EPC2: variants seen among roughly 807,000 people sequenced by gnomAD.
The protein encoded by EPC2 is enhancer of polycomb 2.
A neutral mutation model predicts 92.1 loss-of-function variants in EPC2; 14 were observed. The ratio of observed to expected loss-of-function variants is 0.15; its 90% CI spans 0.10 to 0.24. The LOEUF (loss-of-function observed/expected upper bound fraction) is 0.24, where lower values mean the gene tolerates loss of function less well. Among genes scored for constraint, EPC2 ranks in the 10% least tolerant of loss-of-function variants. EPC2 has a pLI of 1.00. For missense variants in EPC2, 755 were observed against 971.5 expected, an observed-to-expected ratio of 0.78 and a Z score of 2.96; for synonymous variants, 340 against 334.7, an observed-to-expected ratio of 1.02 and a Z score of -0.17.
At chr2:148,717,238 A>G (rs576812930) in intron 2 of EPC2, among the ~76,000 whole-genome samples, 3 of 111,128 alleles carry the variant, frequency 2.7e-5, no homozygotes, top group Non-Finnish European at 5.2e-5. Flanking sequence ...GTCTCTGTCT[A>G]CTTCGATTCA....
intron 2 of EPC2, among the ~76,000 whole-genome samples, chr2:148,694,247 T>A (rs1681700612): frequency 1.3e-5 from 2 of 152,218 alleles, no homozygotes; most frequent in African/African-American, 4.8e-5. Context: ...ATTCACCAAC[T>A]GTTAATTTAG....
At chr2:148,657,884 TTGTGTG>T (rs35739873) in intron 1 of EPC2, among the ~76,000 whole-genome samples, 20 of 149,734 alleles carry the variant, frequency 1.3e-4, no homozygotes, top group South Asian at 1.3e-3. Context: ...ATCACTCATT[TTGTGTG>T]TGTGTGTGTG....
chr2:148,776,881 G>A (rs1270131017), intron 10 of EPC2, among the ~76,000 whole-genome samples: 1 of 77,258 alleles, frequency 1.3e-5, no homozygotes, highest in African/African-American at 4.4e-5. Flanking sequence ...TTTTTTTTGA[G>A]ACAGAGTCTT....
chr2:148,679,799 C>T (rs1046319509), intron 1 of EPC2, among the ~76,000 whole-genome samples: 2 of 152,282 alleles, frequency 1.3e-5, no homozygotes, highest in African/African-American at 4.8e-5. Context: ...ATGTGAGCCA[C>T]CACATCCAGC....
chr2:148,651,287 T>C (rs1475640782), intron 1 of EPC2, among the ~76,000 whole-genome samples: 1 of 152,222 alleles, frequency 6.6e-6, no homozygotes, highest in East Asian at 1.9e-4. Flanking sequence ...TTTCCTATTC[T>C]TCCTGCTAAT....
chr2:148,722,194 G>A (rs1395575159), intron 2 of EPC2, among the ~76,000 whole-genome samples: 1 of 152,056 alleles, frequency 6.6e-6, no homozygotes, highest in Non-Finnish European at 1.5e-5. Flanking sequence ...TTCATGATGA[G>A]GTCTGTCTTT....
At chr2:148,710,016 G>A (rs945721441) in intron 2 of EPC2, among the ~76,000 whole-genome samples, 3 of 151,846 alleles carry the variant, frequency 2.0e-5, no homozygotes, top group Admixed American at 2.0e-4. Flanking sequence ...TTAAACTAAA[G>A]AGCTTCTGCA....
intron 3 of EPC2, among the ~76,000 whole-genome samples, chr2:148,745,328 C>T (rs1401107497): frequency 6.6e-6 from 1 of 151,920 alleles, no homozygotes; most frequent in East Asian, 1.9e-4. Flanking sequence ...GAGATGATAC[C>T]ATCAGAAGCC....
At chr2:148,736,034 A>T (rs1253519313) in intron 2 of EPC2, among the ~76,000 whole-genome samples, 1 of 152,172 alleles carries the variant, frequency 6.6e-6, no homozygotes, top group African/African-American at 2.4e-5. Context: ...TTGTAGAAGT[A>T]TTCCAGCTAA....
Position 148,752,728 on chromosome 2 carries a change from G to C in EPC2, c.460-1199G>C, listed in dbSNP as rs554466804. Among the ~76,000 whole-genome samples the C allele has an allele frequency of 3.7e-4, 57 of 152,254 alleles. 1 individual carries two copies. The South Asian group carries it at 0.012, about 32-fold the overall frequency. ...ATAAGAAACCGATGAATTAATTCTA[G>C]AAATAATCATCATAGGACTTGAAGT... is the stretch of plus-strand genomic sequence containing the variant. On this transcript the variant is annotated intron_variant, in intron 3 of 13. Coordinates refer to ENST00000258484, the MANE Select transcript of EPC2 (RefSeq NM_015630.4).
chr2:148,696,088 G>T (rs1681740326), intron 2 of EPC2, among the ~76,000 whole-genome samples: 1 of 152,220 alleles, frequency 6.6e-6, no homozygotes, highest in African/African-American at 2.4e-5. Flanking sequence ...GGCTGAAATG[G>T]TAGAGTTGTA....
At chr2:148,695,650 A>G (rs1380427969) in intron 2 of EPC2, among the ~76,000 whole-genome samples, 2 of 152,232 alleles carry the variant, frequency 1.3e-5, no homozygotes, top group Non-Finnish European at 2.9e-5. Context: ...GGGCAAACAT[A>G]TTTTGATTGG....
intron 1 of EPC2, among the ~76,000 whole-genome samples, chr2:148,676,872 T>TTG (rs386355295): frequency 0.029 from 4,082 of 141,552 alleles, 97 homozygotes; most frequent in East Asian, 0.07. Flanking sequence ...CCACTTTTTT[T>TTG]GGGGGGGGGG....
At chr2:148,750,881 G>T (rs1405360580) in intron 3 of EPC2, among the ~76,000 whole-genome samples, 3 of 152,132 alleles carry the variant, frequency 2.0e-5, no homozygotes, top group African/African-American at 7.2e-5. Flanking sequence ...TAAAAAAGAA[G>T]TTGTGTAGCA....
At chr2:148,757,045 T>C (rs757615556) in intron 4 of EPC2, among the ~76,000 whole-genome samples, 5 of 152,142 alleles carry the variant, frequency 3.3e-5, no homozygotes, top group Non-Finnish European at 5.9e-5. Context: ...CTTAGAAGAA[T>C]AGAAAAAATG....
chr2:148,762,878 T>A, intron 6 of EPC2, 76 bp downstream of exon 6: 1 of 1,457,010 alleles, frequency 6.9e-7, no homozygotes, highest in Non-Finnish European at 9.1e-7. Context: ...GCAGTTGTCT[T>A]AATATGGTTT....
At chr2:148,776,900 GC>G (rs1683658208) in intron 10 of EPC2, among the ~76,000 whole-genome samples, 6 of 118,248 alleles carry the variant, frequency 5.1e-5, no homozygotes, top group African/African-American at 1.9e-4. Context: ...TTGTTCTCTC[GC>G]CCACACTGGA....
intron 10 of EPC2, among the ~76,000 whole-genome samples, chr2:148,776,970 G>A (rs559659787): frequency 1.6e-4 from 23 of 148,256 alleles, no homozygotes; most frequent in Middle Eastern, 3.6e-3. Context: ...AGCAATTTTC[G>A]TGCATCAGCC....
chr2:148,738,233 A>G (rs1391637925), intron 2 of EPC2, among the ~76,000 whole-genome samples: 3 of 152,182 alleles, frequency 2.0e-5, no homozygotes, highest in Non-Finnish European at 4.4e-5. Flanking sequence ...CTCTGTGCTC[A>G]CATTTCTGTT....
Sources: allele counts gnomAD v4.1 joint callset (sites outside exome capture counted in the v4.1 genomes callset), GRCh38; gene constraint gnomAD v4.1.1; transcripts MANE v1.5; gene names NCBI Gene and HGNC (gene_info 2026-07-23, HGNC 2026-07-21).